NKAIN3: variants seen among roughly 807,000 people sequenced by gnomAD.
NKAIN3 encodes sodium/potassium transporting ATPase interacting 3, also known as sodium/potassium-transporting ATPase subunit beta-1-interacting protein 3.
A neutral mutation model predicts 30.2 loss-of-function variants in NKAIN3; 25 were observed. The ratio of observed to expected loss-of-function variants is 0.83; its 90% CI spans 0.60 to 1.16. The LOEUF (loss-of-function observed/expected upper bound fraction) is 1.16. Among genes scored for constraint, NKAIN3 ranks in the 50% most tolerant of loss-of-function variants. NKAIN3 has a pLI of 0.00. For synonymous variants in NKAIN3, 91 were observed against 89.6 expected, an observed-to-expected ratio of 1.02 and a Z score of -0.09; for missense variants, 225 against 254.1, an observed-to-expected ratio of 0.89 and a Z score of 0.78.
intron 1 of NKAIN3, among the ~76,000 whole-genome samples, chr8:62,464,400 C>CTTAA (rs1806091633): frequency 6.6e-6 from 1 of 152,108 alleles, no homozygotes; most frequent in African/African-American, 2.4e-5. Flanking sequence ...TACAAGTATA[C>CTTAA]TTAAATGTAT....
At chr8:62,817,059 T>C (rs1818707065) in intron 4 of NKAIN3, among the ~76,000 whole-genome samples, 1 of 152,146 alleles carries the variant, frequency 6.6e-6, no homozygotes, top group Admixed American at 6.5e-5. Flanking sequence ...AGCCAGGTGC[T>C]TTGCTTCCCT....
chr8:62,350,678 AGCTTT>A (rs1816152278), intron 1 of NKAIN3, among the ~76,000 whole-genome samples: 2 of 152,004 alleles, frequency 1.3e-5, no homozygotes, highest in Non-Finnish European at 2.9e-5. Flanking sequence ...GAGAGTAATG[AGCTTT>A]TTAATTTTTA....
intron 1 of NKAIN3, among the ~76,000 whole-genome samples, chr8:62,289,230 G>A (rs1813490969): frequency 6.6e-6 from 1 of 152,184 alleles, no homozygotes; most frequent in Non-Finnish European, 1.5e-5. Context: ...TTGCTGTGCA[G>A]AAGCTCTTTA....
chr8:62,803,246 G>A (rs1243008355), intron 4 of NKAIN3, among the ~76,000 whole-genome samples: 1 of 152,110 alleles, frequency 6.6e-6, no homozygotes, highest in Non-Finnish European at 1.5e-5. Flanking sequence ...ATTGAACCCA[G>A]CTCTGCACCA....
At chr8:62,443,946 A>G (rs1805407429) in intron 1 of NKAIN3, among the ~76,000 whole-genome samples, 1 of 152,118 alleles carries the variant, frequency 6.6e-6, no homozygotes. Flanking sequence ...AAGCTCTAAC[A>G]GGCATTACTG....
intron 1 of NKAIN3, among the ~76,000 whole-genome samples, chr8:62,453,756 C>T (rs965317297): frequency 6.6e-6 from 1 of 152,084 alleles, no homozygotes; most frequent in African/African-American, 2.4e-5. Flanking sequence ...CACCGATATG[C>T]GCATAAGCTA....
At chr8:62,772,356 C>T (rs1326696179) in intron 4 of NKAIN3, among the ~76,000 whole-genome samples, 2 of 152,162 alleles carry the variant, frequency 1.3e-5, no homozygotes, top group Non-Finnish European at 2.9e-5. Flanking sequence ...GTGATTAGAG[C>T]TACAGTAAAC....
intron 1 of NKAIN3, among the ~76,000 whole-genome samples, chr8:62,321,556 C>T (rs1193800040): frequency 1.3e-5 from 2 of 152,216 alleles, no homozygotes; most frequent in Non-Finnish European, 2.9e-5. Context: ...CAGTCAGGAC[C>T]TTCAGCTGCA....
At chr8:62,764,238 G>T (rs1816765827) in intron 4 of NKAIN3, among the ~76,000 whole-genome samples, 1 of 152,136 alleles carries the variant, frequency 6.6e-6, no homozygotes, top group Non-Finnish European at 1.5e-5. Context: ...CATGTGCCTG[G>T]TATCTTTCTT....
chr8:62,363,178 G>A (rs13280009), intron 1 of NKAIN3, among the ~76,000 whole-genome samples: 63,836 of 152,132 alleles, frequency 0.42, 15,657 homozygotes, highest in Non-Finnish European at 0.54. Context: ...CTGTTCTGCT[G>A]CAGTCAATAG....
rs946987054 is a variant in NKAIN3, at chr8:62,983,272, C to T, written c.*17865C>T. 6.6e-6 allele frequency: 1 copy of T among 152,192 alleles called. No homozygotes were observed. Among genetic ancestry groups the T allele is most frequent in the African/African-American group, 2.4e-5 (1 of 41,442 alleles). 9.4% of individuals were successfully genotyped at this position (152,192 alleles called of 1,614,324 possible). ...AAACAGATTCTACCCACCGGGAGCT[C>T]CTAGTCCAGTGGTGAAGAGGTGTAT... On this transcript the variant is annotated 3_prime_UTR_variant, in exon 7 of 7. Transcript: ENST00000623646.
chr8:62,563,147 C>A (rs1029179334), intron 1 of NKAIN3, among the ~76,000 whole-genome samples: 1 of 152,066 alleles, frequency 6.6e-6, no homozygotes, highest in African/African-American at 2.4e-5. Flanking sequence ...GCAAGTTGGG[C>A]TTTTGCTAAA....
At chr8:62,740,286 T>C (rs571279137) in intron 3 of NKAIN3, among the ~76,000 whole-genome samples, 1 of 152,250 alleles carries the variant, frequency 6.6e-6, no homozygotes, top group South Asian at 2.1e-4. Context: ...CAAAGCACAC[T>C]CTGTAAAATT....
intron 4 of NKAIN3, among the ~76,000 whole-genome samples, chr8:62,882,855 AC>A (rs1821028198): frequency 6.6e-6 from 1 of 152,208 alleles, no homozygotes; most frequent in African/African-American, 2.4e-5. Flanking sequence ...AGATCAGTTG[AC>A]TATACTTATG....
intron 1 of NKAIN3, among the ~76,000 whole-genome samples, chr8:62,335,342 C>A (rs1474409831): frequency 6.7e-6 from 1 of 148,956 alleles, no homozygotes; most frequent in African/African-American, 2.5e-5. Context: ...GAGAGAACTG[C>A]TTGAACTCGG....
chr8:62,779,965 A>G (rs1384961362), intron 4 of NKAIN3, among the ~76,000 whole-genome samples: 1 of 152,156 alleles, frequency 6.6e-6, no homozygotes, highest in African/African-American at 2.4e-5. Context: ...AAGCAGAACT[A>G]AATGCAATGG....
chr8:62,987,296 G>A (rs1281352588), downstream of NKAIN3, among the ~76,000 whole-genome samples: 1 of 152,052 alleles, frequency 6.6e-6, no homozygotes, highest in Non-Finnish European at 1.5e-5. Flanking sequence ...GAGAGGCTGA[G>A]GCATGAGAAT....
chr8:62,844,955 C>A (rs536293982), intron 4 of NKAIN3, among the ~76,000 whole-genome samples: 3 of 152,086 alleles, frequency 2.0e-5, no homozygotes, highest in Admixed American at 6.6e-5. Flanking sequence ...GCTCTGCACC[C>A]TCCCGTTCAC....
intron 1 of NKAIN3, among the ~76,000 whole-genome samples, chr8:62,456,427 G>A (rs1470238654): frequency 6.6e-6 from 1 of 152,106 alleles, no homozygotes; most frequent in East Asian, 1.9e-4. Context: ...GCTGAGGCAG[G>A]AGAATGGCGT....
Sources: gnomAD v4.1 joint callset for allele counts (sites outside exome capture counted in the v4.1 genomes callset) on GRCh38, gnomAD v4.1.1 for gene constraint, MANE v1.5 for transcripts, NCBI Gene and HGNC (gene_info 2026-07-23, HGNC 2026-07-21) for gene names.